Variants in PVT1 observed in about 807,000 individuals in gnomAD.
The protein encoded by PVT1 is Pvt1 oncogene.
chr8:127,978,782 G>A lies in PVT1; in HGVS notation n.783-10380G>A, dbSNP rs191716826. On this transcript the variant is annotated intron_variant and non_coding_transcript_variant, in intron 3 of 10. Coordinates refer to ENST00000651587, the Ensembl canonical transcript of PVT1. ...ATTACAGGTGTGAATCACCGCACCC[G>A]GACCATTATTATTATAATTTTTTTT... 9.2e-5 allele frequency among the ~76,000 whole-genome samples: 14 copies of A among 151,932 alleles called. 1 individual carries two copies. The highest frequency in any genetic ancestry group is 6.2e-4 in the South Asian group (3 of 4,820).
intron 4 of PVT1, among the ~76,000 whole-genome samples, chr8:128,018,507 C>T (rs1263919199): frequency 6.6e-6 from 1 of 152,224 alleles, no homozygotes; most frequent in Admixed American, 6.5e-5. Flanking sequence ...TTGGGCTAAA[C>T]AATCACAGAG....
chr8:127,939,305 T>C (rs1031620073), intron 3 of PVT1, among the ~76,000 whole-genome samples: 1 of 152,152 alleles, frequency 6.6e-6, no homozygotes, highest in Admixed American at 6.5e-5. Context: ...ACAGGCTTCA[T>C]GGATGGGGGC....
intron 4 of PVT1, among the ~76,000 whole-genome samples, chr8:128,012,270 A>T (rs192188569): frequency 6.6e-6 from 1 of 152,282 alleles, no homozygotes; most frequent in East Asian, 1.9e-4. Context: ...CCAGGCTTGG[A>T]CCTGGGTCTC....
chr8:127,991,924 C>G (rs1184815135), intron 4 of PVT1, among the ~76,000 whole-genome samples: 1 of 152,174 alleles, frequency 6.6e-6, no homozygotes, highest in Non-Finnish European at 1.5e-5. Flanking sequence ...CCTTTCCCAC[C>G]CATGAGTCGG....
At chr8:127,984,653 C>T (rs562220232) in intron 3 of PVT1, among the ~76,000 whole-genome samples, 1 of 152,228 alleles carries the variant, frequency 6.6e-6, no homozygotes, top group Admixed American at 6.5e-5. Flanking sequence ...GTCGCCCAGG[C>T]TGGAGTGCTG....
intron 3 of PVT1, among the ~76,000 whole-genome samples, chr8:127,964,835 A>G (rs1356549587): frequency 6.7e-6 from 1 of 149,322 alleles, no homozygotes; most frequent in Non-Finnish European, 1.5e-5. Context: ...TATTTTATTG[A>G]TTTATTTTAA....
intron 2 of PVT1, among the ~76,000 whole-genome samples, chr8:127,885,970 A>G (rs1815517707): frequency 6.6e-6 from 1 of 151,990 alleles, no homozygotes; most frequent in African/African-American, 2.4e-5. Context: ...AGTGGCTAAC[A>G]CCTCTAATCC....
chr8:127,934,889 G>A (rs1171138775), intron 3 of PVT1, among the ~76,000 whole-genome samples: 1 of 152,142 alleles, frequency 6.6e-6, no homozygotes, highest in Non-Finnish European at 1.5e-5. Flanking sequence ...ATGGCGTTGG[G>A]CTAGAAACAA....
intron 4 of PVT1, among the ~76,000 whole-genome samples, chr8:128,028,159 C>A (rs758992171): frequency 6.6e-6 from 1 of 152,254 alleles, no homozygotes; most frequent in African/African-American, 2.4e-5. Context: ...TTGCACACTC[C>A]TTTGAAGCCT....
At chr8:127,804,758 C>A (rs1814507472) in intron 2 of PVT1, among the ~76,000 whole-genome samples, 1 of 150,562 alleles carries the variant, frequency 6.6e-6, no homozygotes, top group South Asian at 2.1e-4. Context: ...AGGGTTTCAC[C>A]ATGTTGGCCA....
chr8:127,876,628 C>T (rs949131788), intron 2 of PVT1, among the ~76,000 whole-genome samples: 1 of 152,066 alleles, frequency 6.6e-6, no homozygotes, highest in Non-Finnish European at 1.5e-5. Flanking sequence ...TCTCCTGGCC[C>T]CTCCAGTTCT....
At chr8:127,831,941 C>A (rs138905890) in intron 2 of PVT1, among the ~76,000 whole-genome samples, 1 of 152,302 alleles carries the variant, frequency 6.6e-6, no homozygotes, top group East Asian at 1.9e-4. Context: ...TCAGTAGGTT[C>A]CTTGAAGGCT....
At chr8:128,024,274 G>C (rs535761448) in intron 4 of PVT1, among the ~76,000 whole-genome samples, 19 of 152,292 alleles carry the variant, frequency 1.2e-4, no homozygotes, top group Admixed American at 7.2e-4. Context: ...GACTTATTGA[G>C]ATCTCATGGG....
intron 3 of PVT1, among the ~76,000 whole-genome samples, chr8:127,896,779 C>CT (rs199518094): frequency 7.4e-6 from 1 of 134,928 alleles, no homozygotes; most frequent in Non-Finnish European, 1.6e-5. Flanking sequence ...TTTCCTCCCC[C>CT]CCCCCGCCCC....
intron 3 of PVT1, among the ~76,000 whole-genome samples, chr8:127,897,285 C>T (rs554667829): frequency 6.6e-6 from 1 of 152,276 alleles, no homozygotes; most frequent in African/African-American, 2.4e-5. Context: ...TGGGCCTCTT[C>T]CCTACAGCGC....
chr8:127,959,368 C>T (rs1415116165), intron 3 of PVT1, among the ~76,000 whole-genome samples: 3 of 152,116 alleles, frequency 2.0e-5, no homozygotes, highest in Non-Finnish European at 2.9e-5. Flanking sequence ...GGGCGGATTA[C>T]GAGGTCAAGA....
chr8:127,873,144 G>A (rs1357734178), intron 2 of PVT1, among the ~76,000 whole-genome samples: 1 of 152,168 alleles, frequency 6.6e-6, no homozygotes, highest in African/African-American at 2.4e-5. Flanking sequence ...CCAAGACAAG[G>A]GCCTGCCTCT....
intron 3 of PVT1, among the ~76,000 whole-genome samples, chr8:127,926,561 G>A (rs1375820515): frequency 6.6e-6 from 1 of 152,198 alleles, no homozygotes; most frequent in Admixed American, 6.5e-5. Flanking sequence ...CCATGGTGCG[G>A]TTCATGTTCC....
At chr8:127,808,120 T>G (rs190710159) in intron 2 of PVT1, among the ~76,000 whole-genome samples, 2 of 152,226 alleles carry the variant, frequency 1.3e-5, no homozygotes, top group East Asian at 3.9e-4. Flanking sequence ...CAATCTCGGT[T>G]CACTGCAACC....
Sources: gnomAD v4.1 joint callset for allele counts (sites outside exome capture counted in the v4.1 genomes callset) on GRCh38, gnomAD v4.1.1 for gene constraint, MANE v1.5 for transcripts, NCBI Gene and HGNC (gene_info 2026-07-23, HGNC 2026-07-21) for gene names.